The following CIT variants were observed in gnomAD, a reference collection of about 807,000 sequenced individuals.
CIT encodes citron Rho-interacting kinase.
CIT carries 79 observed loss-of-function variants against 272.7 expected under a neutral mutation model. That is an observed-to-expected ratio of 0.29 (90% CI 0.24 to 0.35). The LOEUF (loss-of-function observed/expected upper bound fraction) is 0.35. Among genes scored for constraint, CIT ranks in the 10% least tolerant of loss-of-function variants. The pLI is 1.00. For synonymous variants in CIT, 948 were observed against 995.6 expected (o/e 0.95, Z 0.90); for missense variants, 1,909 against 2,618.3 (o/e 0.73, Z 5.91).
rs35690078 is a variant in CIT, at chr12:119,716,378, C to CAAAAAAAAAAAAAAA, written c.4168+1852_4168+1866dup. Reference sequence around the variant, plus strand: ...TGGGCGACAGAGCGAGACTCTGTCTCAAAAAAAAAAAAAAAAAAAAAAAAA... The same window carrying CAAAAAAAAAAAAAAA: ...TGGGCGACAGAGCGAGACTCTGTCTCAAAAAAAAAAAAAAAAAAAAAAAAAAAAAAAAAAAAAAAA... On this transcript the variant is annotated intron_variant, in intron 32 of 47. Coordinates refer to ENST00000392521, the MANE Select transcript of CIT (RefSeq NM_001206999.2). Among the ~76,000 whole-genome samples, 2 of 17,804 alleles carry CAAAAAAAAAAAAAAA rather than the reference C, an allele frequency of 1.1e-4. 1 individual carries two copies. Among genetic ancestry groups the CAAAAAAAAAAAAAAA allele is most frequent in the Admixed American group, 2.1e-3 (2 of 972 alleles). 11.7% of individuals were successfully genotyped at this position (17,804 alleles called of 152,430 possible).
At position 119,710,360 on chromosome 12, in the gene CIT, C is replaced by T. The variant is rs1266780487; in HGVS notation, c.4962G>A (p.Gly1654=). 3.1e-6 allele frequency: 5 copies of T among 1,614,082 alleles called. No homozygotes were observed. The South Asian group carries it at 4.4e-5, about 14-fold the overall frequency. The change falls in exon 39 of 48, where the codon GGG becomes GGA. Residue 1654 remains glycine, a synonymous_variant. Transcript: ENST00000392521. This position sits in a 1 kb window ranked among gnomAD's most constrained non-coding sequence, Gnocchi z 5.6. ...DQVVLVGTEE[G]LYALNVLKNS... is the part of the protein sequence containing the mutation. The stretch of plus-strand genomic sequence containing the variant: ...TTTTCAAGACATTCAGGGCGTAGAG[C>T]CCTTCCTCGGTGCCCACCAACACCA...
At chr12:119,785,167 C>A in intron 10 of CIT, 102 bp from the exon 11 acceptor site, 1 of 1,262,980 alleles carries the variant, frequency 7.9e-7, no homozygotes, top group Non-Finnish European at 1.1e-6. Context: ...ACATCTCATG[C>A]TCTTGATGTT....
Position 119,784,720 on chromosome 12 carries a change from A to T in CIT, c.1401+240T>A. The T allele has an allele frequency of 7.3e-7, 1 of 1,365,762 alleles. No homozygotes were observed. Among genetic ancestry groups the T allele is most frequent in the East Asian group, 2.8e-5 (1 of 35,454 alleles). 84.6% of individuals were successfully genotyped at this position (1,365,762 alleles called of 1,614,324 possible). On this transcript the variant is annotated intron_variant, in intron 11 of 47. Transcript: ENST00000392521. The surrounding 1 kb of genome is among the most constrained non-coding windows in gnomAD (Gnocchi z 4.7). ...GACATCTGGCTGGGTCATGCTGAGA[A>T]ACGGACTGTTTAAATCCAGGGCCTC... is the stretch of plus-strand genomic sequence containing the variant.
At chr12:119,840,096 C>G (rs1453588122) in intron 5 of CIT, among the ~76,000 whole-genome samples, 1 of 152,176 alleles carries the variant, frequency 6.6e-6, no homozygotes, top group Non-Finnish European at 1.5e-5. Context: ...GCAGGAGGAT[C>G]ACTTCAGCCC....
intron 3 of CIT, among the ~76,000 whole-genome samples, chr12:119,858,315 G>A (rs1950230198): frequency 6.6e-6 from 1 of 151,978 alleles, no homozygotes; most frequent in Admixed American, 6.6e-5. Flanking sequence ...TCAGGAGATC[G>A]AGACCAGCCT....
At chr12:119,855,694 G>A (rs1047217928) in intron 4 of CIT, among the ~76,000 whole-genome samples, 4 of 152,028 alleles carry the variant, frequency 2.6e-5, no homozygotes, top group Non-Finnish European at 4.4e-5. Context: ...TTTAGTTAGC[G>A]CCTGTATGTG....
intron 46 of CIT, among the ~76,000 whole-genome samples, chr12:119,692,464 G>A (rs916526548): frequency 6.6e-6 from 1 of 152,236 alleles, no homozygotes; most frequent in East Asian, 1.9e-4. Flanking sequence ...TAATTGAGAA[G>A]CGACAGCAAA....
Position 119,710,768 on chromosome 12 carries a change from G to T in CIT, c.4855-148C>A. 1 of 781,532 alleles carries T rather than the reference G, an allele frequency of 1.3e-6. No individual in the cohort carries two copies. The highest frequency in any genetic ancestry group is 2.1e-6 in the Non-Finnish European group (1 of 480,182). The allele number at this position is 781,532 out of a possible 1,614,324, so 48.4% of individuals were successfully genotyped here. On this transcript the variant is annotated intron_variant, in intron 37 of 47. Transcript: ENST00000392521. This position sits in a 1 kb window ranked among gnomAD's most constrained non-coding sequence, Gnocchi z 5.6. Reference sequence around the variant, plus strand: ...CGCACATATGCTCTTAGCTCAGCCCGTATTTTGATCTGAGCTCCAAATGCA... The same window carrying T: ...CGCACATATGCTCTTAGCTCAGCCCTTATTTTGATCTGAGCTCCAAATGCA...
intron 2 of CIT, among the ~76,000 whole-genome samples, chr12:119,874,746 C>A (rs1014033210): frequency 6.6e-6 from 1 of 151,772 alleles, no homozygotes. Context: ...ATTAGCCGGG[C>A]GAGGTGACGG....
At chr12:119,801,692 T>C (rs1966215626) in intron 10 of CIT, among the ~76,000 whole-genome samples, 1 of 152,206 alleles carries the variant, frequency 6.6e-6, no homozygotes, top group Admixed American at 6.5e-5. Context: ...AGGCCTCCGC[T>C]TCTGCCCTGC....
At chr12:119,772,708 T>C (rs1963303309) in intron 17 of CIT, 62 bp downstream of exon 17, 4 of 1,488,120 alleles carry the variant, frequency 2.7e-6, no homozygotes, top group Non-Finnish European at 3.6e-6. Context: ...TGGCAGTTTC[T>C]TTCCTTGGGC....
intron 20 of CIT, among the ~76,000 whole-genome samples, chr12:119,758,938 A>AT (rs1458062369): frequency 6.6e-6 from 1 of 152,232 alleles, no homozygotes; most frequent in Non-Finnish European, 1.5e-5. Flanking sequence ...TAAAACAGAC[A>AT]TAAGGACCTA....
Position 119,728,502 on chromosome 12 carries a change from C to G in CIT, c.3591G>C (p.Glu1197Asp). 6.2e-7 allele frequency: 1 copy of G among 1,600,080 alleles called. No homozygotes were observed. The change falls in exon 28 of 48, where the codon GAG becomes GAC. Residue 1197 changes from glutamate to aspartate, a missense_variant and splice_region_variant. Glu to Asp is a conservative substitution (Grantham distance 45, BLOSUM62 2). Transcript: ENST00000392521. This position sits in a 1 kb window ranked among gnomAD's most constrained non-coding sequence, Gnocchi z 4.3. ...ERELKQRLLE[E>D]QAKLQQQMDL... The stretch of plus-strand genomic sequence containing the variant: ...CTTCTCCCAGGTATTTCACACTCAC[C>G]TCTTCCAGAAGCCTCTGTTTGAGCT...
rs946606601 is a variant in CIT, at chr12:119,802,801, C to A, written c.1295+405G>T. 5.9e-5 allele frequency among the ~76,000 whole-genome samples: 9 copies of A among 152,254 alleles called. No individual in the cohort carries two copies. In the East Asian group the frequency reaches 1.5e-3, roughly 26 times the overall value. The stretch of plus-strand genomic sequence containing the variant: ...ATTCTTTATACAGCCAAGATAGCAA[C>A]CCCCATCCACCCACTTGAGAGACAG... On this transcript the variant is annotated intron_variant, in intron 10 of 47. Coordinates refer to ENST00000392521, the MANE Select transcript of CIT (RefSeq NM_001206999.2).
At chr12:119,709,103 A>G (rs1046555742) in intron 39 of CIT, among the ~76,000 whole-genome samples, 1 of 152,248 alleles carries the variant, frequency 6.6e-6, no homozygotes, top group Admixed American at 6.5e-5. Context: ...GTAAAATCCA[A>G]TTATGGGCAG....
chr12:119,793,419 C>T (rs952704221), intron 10 of CIT, among the ~76,000 whole-genome samples: 1 of 152,172 alleles, frequency 6.6e-6, no homozygotes, highest in African/African-American at 2.4e-5. Context: ...CAACTCTTGT[C>T]CCTCACTATC....
chr12:119,732,612 T>C, intron 26 of CIT, among the ~76,000 whole-genome samples: 1 of 152,220 alleles, frequency 6.6e-6, no homozygotes, highest in Middle Eastern at 3.2e-3. Flanking sequence ...TCTTTTGAAA[T>C]GTAAGGGTTT....
Position 119,688,013 on chromosome 12 carries a change from A to G in CIT, c.*219T>C. On this transcript the variant is annotated 3_prime_UTR_variant, in exon 48 of 48. Coordinates refer to ENST00000392521, the MANE Select transcript of CIT (RefSeq NM_001206999.2). The stretch of plus-strand genomic sequence containing the variant: ...AAAGTGCAAAGAGATGACTGCAGGG[A>G]GGTGCCCAGGGCAGGCACCGGGCGC... 1.7e-6 allele frequency: 1 copy of G among 605,882 alleles called. No homozygotes were observed. Among genetic ancestry groups the G allele is most frequent in the Non-Finnish European group, 3.0e-6 (1 of 337,478 alleles). 37.5% of individuals were successfully genotyped at this position (605,882 alleles called of 1,614,324 possible).
rs1377825733 is a variant in CIT, at chr12:119,784,445, A to G, written c.1402-394T>C. ...AAGATCTAGAGGACAAATCCAGGAC[A>G]GGGCAAGGAGATATTTATTCGTCTG... On this transcript the variant is annotated intron_variant, in intron 11 of 47. Transcript: ENST00000392521. The surrounding 1 kb of genome is among the most constrained non-coding windows in gnomAD (Gnocchi z 4.7). 1 of 1,203,414 alleles carries G rather than the reference A, an allele frequency of 8.3e-7. No homozygotes were observed. The highest frequency in any genetic ancestry group is 1.0e-6 in the Non-Finnish European group (1 of 952,938). 74.5% of individuals were successfully genotyped at this position (1,203,414 alleles called of 1,614,324 possible). A position where few individuals can be genotyped will look rare whatever the true frequency, so the allele number is the denominator to read the frequency against.
Sources: allele counts gnomAD v4.1 joint callset (sites outside exome capture counted in the v4.1 genomes callset), GRCh38; gene constraint gnomAD v4.1.1; non-coding constraint Gnocchi (gnomAD v3.1); transcripts MANE v1.5; gene names NCBI Gene and HGNC (gene_info 2026-07-23, HGNC 2026-07-21).